The following RAP1GAP2 variants were observed in gnomAD, a reference collection of about 807,000 sequenced individuals.
The protein encoded by RAP1GAP2 is RAP1 GTPase activating protein 2.
A neutral mutation model predicts 95.0 loss-of-function variants in RAP1GAP2; 27 were observed. The ratio of observed to expected loss-of-function variants is 0.28; its 90% CI spans 0.21 to 0.39. RAP1GAP2 has a LOEUF of 0.39. Among genes scored for constraint, RAP1GAP2 ranks in the 10% least tolerant of loss-of-function variants. RAP1GAP2 has a pLI of 1.00. For synonymous variants in RAP1GAP2, 373 were observed against 380.9 expected (o/e 0.98, Z 0.24); for missense variants, 771 against 970.0 (o/e 0.79, Z 2.72).
chr17:3,024,782 C>T (rs947031136), intron 19 of RAP1GAP2, among the ~76,000 whole-genome samples: 4 of 152,170 alleles, frequency 2.6e-5, no homozygotes, highest in Admixed American at 2.6e-4. Flanking sequence ...ACCTTGAAAA[C>T]ATTATGTTAA....
At chr17:2,853,040 G>C (rs1370238326) in intron 2 of RAP1GAP2, among the ~76,000 whole-genome samples, 1 of 152,112 alleles carries the variant, frequency 6.6e-6, no homozygotes, top group African/African-American at 2.4e-5. Flanking sequence ...GGAGGAAGCG[G>C]GGTCGCCGTG....
chr17:2,773,899 A>C (rs2068444289), upstream of RAP1GAP2, among the ~76,000 whole-genome samples: 1 of 152,008 alleles, frequency 6.6e-6, no homozygotes, highest in African/African-American at 2.4e-5. Context: ...CTGGGATTAC[A>C]GGTGCCCGCC....
chr17:2,981,153 A>G (rs2045342267), intron 9 of RAP1GAP2, 42 bp from the exon 10 acceptor site: 5 of 1,577,710 alleles, frequency 3.2e-6, no homozygotes, highest in South Asian at 1.1e-5. Context: ...GATGTCCTCT[A>G]CAGATATCAT....
chr17:2,842,988 C>G (rs2071431107), intron 2 of RAP1GAP2, among the ~76,000 whole-genome samples: 2 of 152,098 alleles, frequency 1.3e-5, no homozygotes, highest in Admixed American at 1.3e-4. Context: ...AGAGCAGACG[C>G]CATCCTGAGT....
At chr17:3,032,923 G>A (rs1478374845) in intron 24 of RAP1GAP2, among the ~76,000 whole-genome samples, 1 of 152,162 alleles carries the variant, frequency 6.6e-6, no homozygotes. Context: ...CTTTGAGGGG[G>A]CACGTGGTTT....
At chr17:3,032,960 G>A (rs780020004) in intron 24 of RAP1GAP2, 12 of 165,974 alleles carry the variant, frequency 7.2e-5, no homozygotes, top group East Asian at 5.0e-4. Flanking sequence ...GGTCCAGCTC[G>A]CCCCCATCAA....
intron 4 of RAP1GAP2, among the ~76,000 whole-genome samples, chr17:2,960,534 C>T (rs1256745259): frequency 6.6e-6 from 1 of 152,256 alleles, no homozygotes; most frequent in East Asian, 1.9e-4. Context: ...ACCCAGTTAA[C>T]AGGAGCCCTG....
At chr17:2,845,551 G>A (rs1279071375) in intron 2 of RAP1GAP2, among the ~76,000 whole-genome samples, 1 of 152,170 alleles carries the variant, frequency 6.6e-6, no homozygotes, top group East Asian at 1.9e-4. Context: ...TAATGTTTTT[G>A]TATCTTAGAT....
intron 2 of RAP1GAP2, among the ~76,000 whole-genome samples, chr17:2,879,725 CAA>C (rs397955481): frequency 2.9e-5 from 4 of 139,524 alleles, no homozygotes; most frequent in Non-Finnish European, 1.5e-5. Flanking sequence ...GACTCCATCT[CAA>C]AAAAAAAAAA....
At chr17:2,775,905 G>A (rs1191141973), upstream of RAP1GAP2, among the ~76,000 whole-genome samples, 1 of 152,194 alleles carries the variant, frequency 6.6e-6, no homozygotes, top group Non-Finnish European at 1.5e-5. Context: ...CAGGCCGAGC[G>A]CGGTGGCTCA....
rs907400609 is a variant in RAP1GAP2 at position 2,870,221 on chromosome 17, T to G, written c.81-35063T>G. 2.6e-5 allele frequency among the ~76,000 whole-genome samples: 4 copies of G among 151,834 alleles called. No homozygotes were observed. Among genetic ancestry groups the G allele is most frequent in the African/African-American group, 7.3e-5 (3 of 41,322 alleles). On this transcript the variant is annotated intron_variant, in intron 2 of 24. Coordinates refer to ENST00000254695, the MANE Select transcript of RAP1GAP2 (RefSeq NM_015085.5). The surrounding 1 kb of genome is among the most constrained non-coding windows in gnomAD (Gnocchi z 4.4). ...TAACCTCCCTCCCAAGTTCAAGTGA[T>G]TCTCCTTGCCTTAGCCTCCCGAGTA...
At chr17:2,923,474 G>A (rs372207509) in intron 3 of RAP1GAP2, among the ~76,000 whole-genome samples, 2 of 151,048 alleles carry the variant, frequency 1.3e-5, no homozygotes, top group African/African-American at 2.4e-5. Flanking sequence ...GATTACAGAC[G>A]CATACCACCA....
chr17:2,801,800 C>T (rs998847258), intron 2 of RAP1GAP2, among the ~76,000 whole-genome samples: 7 of 152,264 alleles, frequency 4.6e-5, no homozygotes, highest in South Asian at 2.1e-4. Context: ...TGCTGAGGTC[C>T]GAAGCAGGCA....
At chr17:2,761,020 T>A (rs769706547) in intron 1 of RAP1GAP2, among the ~76,000 whole-genome samples, 2 of 151,976 alleles carry the variant, frequency 1.3e-5, no homozygotes, top group Non-Finnish European at 2.9e-5. Flanking sequence ...AATGGTGTGA[T>A]CTCTGCACAC....
chr17:2,846,522 T>C (rs747236915), intron 2 of RAP1GAP2, among the ~76,000 whole-genome samples: 6 of 152,084 alleles, frequency 3.9e-5, no homozygotes, highest in Non-Finnish European at 5.9e-5. Context: ...GTGATTCTCC[T>C]GCCTTAGCCT....
At position 2,804,773 on chromosome 17, in the gene RAP1GAP2, A is replaced by G. The variant is rs12451932; in HGVS notation, c.80+4223A>G. Among the ~76,000 whole-genome samples, 618 of 152,206 alleles carry G rather than the reference A, an allele frequency of 4.1e-3. 22 individuals carry two copies. The highest frequency in any genetic ancestry group is 0.033 in the Admixed American group (499 of 15,286). ...GAGCCACGTTGGAATGCTGGAGGGG[A>G]GGTGGCAACGGTACCACGCAGGAGA... On this transcript the variant is annotated intron_variant, in intron 2 of 24. Transcript: ENST00000254695.
intron 8 of RAP1GAP2, among the ~76,000 whole-genome samples, chr17:2,972,790 A>T (rs1032243561): frequency 6.6e-6 from 1 of 152,176 alleles, no homozygotes; most frequent in Admixed American, 6.6e-5. Context: ...TATTTTACCA[A>T]TGCAGGATGG....
chr17:2,839,153 A>T (rs2071267593), intron 2 of RAP1GAP2, among the ~76,000 whole-genome samples: 1 of 152,004 alleles, frequency 6.6e-6, no homozygotes, highest in Admixed American at 6.6e-5. Context: ...AAATACAAAA[A>T]TTAGCAGGAC....
At chr17:2,770,887 A>G (rs1050640738) in intron 2 of RAP1GAP2, among the ~76,000 whole-genome samples, 2 of 152,028 alleles carry the variant, frequency 1.3e-5, no homozygotes, top group Non-Finnish European at 2.9e-5. Flanking sequence ...CTAAAAATAC[A>G]AAAATTAGCT....
Sources: allele counts gnomAD v4.1 joint callset (sites outside exome capture counted in the v4.1 genomes callset), GRCh38; gene constraint gnomAD v4.1.1; non-coding constraint Gnocchi (gnomAD v3.1); transcripts MANE v1.5; gene names NCBI Gene and HGNC (gene_info 2026-07-23, HGNC 2026-07-21).